C11orf91: variants seen among roughly 807,000 people sequenced by gnomAD.
C11orf91 encodes uncharacterized protein C11orf91.
Under a neutral mutation model 14.3 loss-of-function variants are expected in C11orf91, and 10 were observed. That is an observed-to-expected ratio of 0.70 (90% CI 0.43 to 1.18). The LOEUF is 1.18. Among genes scored for constraint, C11orf91 ranks in the 50% most tolerant of loss-of-function variants. The pLI is 0.00. For synonymous variants in C11orf91, 141 were observed against 130.6 expected (o/e 1.08, Z -0.54); for missense variants, 236 against 269.0 (o/e 0.88, Z 0.86).
the C11orf91 span, chr11:33,705,941 A>G: frequency 6.6e-6 from 1 of 152,132 alleles, no homozygotes; most frequent in Non-Finnish European, 1.5e-5. Flanking sequence ...ACCAGCACTG[A>G]TCATATATAG....
In C11orf91 at chr11:33,699,972, G is replaced by A. The variant is rs146618862; in HGVS notation, c.496+273C>T. Reference sequence around the variant, plus strand: ...GGTGGTGGCGGATGGAGTTCCAGGTGTGGAGGCTCAGAGTCCAGATGACCC... The same window carrying A: ...GGTGGTGGCGGATGGAGTTCCAGGTATGGAGGCTCAGAGTCCAGATGACCC... On this transcript the variant is annotated intron_variant, in intron 1 of 1. Coordinates refer to ENST00000379011, the MANE Select transcript of C11orf91 (RefSeq NM_001166692.2). Among the ~76,000 whole-genome samples, 6 of 151,264 alleles carry A rather than the reference G, an allele frequency of 4.0e-5. No individual in the cohort carries two copies. The East Asian group carries it at 1.2e-3, about 29-fold the overall frequency.
At chr11:33,704,356 G>A (rs1480287474), upstream of C11orf91, 1 of 152,148 alleles carries the variant, frequency 6.6e-6, no homozygotes, top group South Asian at 2.1e-4. Context: ...GGTGGTCATT[G>A]GAGTGTGGCT....
upstream of C11orf91, chr11:33,700,923 C>T (rs2133498565): frequency 2.7e-6 from 1 of 369,506 alleles, no homozygotes; most frequent in Non-Finnish European, 3.7e-6. Context: ...TCCCGGAACG[C>T]GGCCCCGCCC....
chr11:33,701,228 G>A (rs1057447770), upstream of C11orf91, among the ~76,000 whole-genome samples: 24 of 152,334 alleles, frequency 1.6e-4, no homozygotes, highest in African/African-American at 5.3e-4. Flanking sequence ...CCACAGCAAA[G>A]AAGTCTGAGA....
upstream of C11orf91, among the ~76,000 whole-genome samples, chr11:33,701,659 GTATGACTAGTGAT>G (rs1853128984): frequency 6.6e-6 from 1 of 152,032 alleles, no homozygotes; most frequent in Non-Finnish European, 1.5e-5. Context: ...ATGATCACTG[GTATGACTAGTGAT>G]GGGTGGAGGG....
At chr11:33,702,777 C>A, upstream of C11orf91, 2 of 350,064 alleles carry the variant, frequency 5.7e-6, no homozygotes, top group South Asian at 2.2e-5. Context: ...CCCTACAGAA[C>A]CACAGTAATG....
In C11orf91 at chr11:33,700,691, G is replaced by A; in HGVS notation, c.50C>T (p.Ser17Leu). 2.1e-6 allele frequency: 3 copies of A among 1,434,764 alleles called. No homozygotes were observed. Among genetic ancestry groups the A allele is most frequent in the South Asian group, 2.9e-5 (2 of 69,980 alleles). 88.9% of individuals were successfully genotyped at this position (1,434,764 alleles called of 1,614,324 possible). Residue 17 changes from serine to leucine, a missense_variant, in exon 1 of 2, where the codon TCG (serine) becomes TTG (leucine). Coordinates refer to ENST00000379011, the MANE Select transcript of C11orf91 (RefSeq NM_001166692.2). ...GGACGGGAAATAGAGGGGCGGAGCC[G>A]ACCGCTGGCTCATGGTGGGGCTGTG... Reference protein sequence around the residue: ...GSHSPTMSQRSAPPLYFPSLY... With the variant: ...GSHSPTMSQRLAPPLYFPSLY...
chr11:33,700,633 G>C lies in C11orf91; in HGVS notation c.108C>G (p.Leu36=), dbSNP rs1271557349. 2 of 1,474,954 alleles carry C rather than the reference G, an allele frequency of 1.4e-6. No homozygotes were observed. The highest frequency in any genetic ancestry group is 2.6e-5 in the South Asian group (2 of 77,318). 91.4% of individuals were successfully genotyped at this position (1,474,954 alleles called of 1,614,324 possible). A position where few individuals can be genotyped will look rare whatever the true frequency, so the allele number is the denominator to read the frequency against. Reference sequence around the variant, plus strand: ...GCTTCTTCCAGATGTTGAAGTCGCTGAGCGGGGACGAGGAGATGCCGCGGT... The same window carrying C: ...GCTTCTTCCAGATGTTGAAGTCGCTCAGCGGGGACGAGGAGATGCCGCGGT... ...LYDRGISSSP[L]SDFNIWKKLF... Residue 36 remains leucine (L), a synonymous_variant, in exon 1 of 2, where the codon CTC becomes CTG. Transcript: ENST00000379011.
intron 1 of C11orf91, among the ~76,000 whole-genome samples, chr11:33,698,805 G>T (rs992141121): frequency 2.2e-5 from 3 of 138,432 alleles, no homozygotes; most frequent in African/African-American, 8.1e-5. Flanking sequence ...TTTTGAGAGG[G>T]AGTCTCACTC....
chr11:33,703,050 A>C (rs1202073143), upstream of C11orf91: 2 of 152,352 alleles, frequency 1.3e-5, no homozygotes, highest in Non-Finnish European at 2.9e-5. Flanking sequence ...TTTTAAATGA[A>C]GCAATACAAT....
Position 33,700,555 on chromosome 11 carries a change from G to A in C11orf91, c.186C>T (p.Ala62=). The A allele has an allele frequency of 6.9e-7, 1 of 1,440,878 alleles. No homozygotes were observed. Among genetic ancestry groups the A allele is most frequent in the African/African-American group, 1.5e-5 (1 of 68,090 alleles). 89.3% of individuals were successfully genotyped at this position (1,440,878 alleles called of 1,614,324 possible). A position where few individuals can be genotyped will look rare whatever the true frequency, so the allele number is the denominator to read the frequency against. ...GGAPVGGAAG[A]RSLSQALPAP... ...CGGGGAGCGCCTGGGACAGGGACCG[G>A]GCCCCCGCCGCCCCGCCCACTGGCG... The change falls in exon 1 of 2, where the codon GCC becomes GCT. Residue 62 remains alanine (A), a synonymous_variant. Transcript: ENST00000379011.
At chr11:33,700,129 T>C (rs1377887874) in intron 1 of C11orf91, 116 bp downstream of exon 1, 17 of 1,139,840 alleles carry the variant, frequency 1.5e-5, no homozygotes, top group Non-Finnish European at 1.9e-5. Flanking sequence ...ATTTTGGATC[T>C]GGGACTACTG....
intron 1 of C11orf91, among the ~76,000 whole-genome samples, 168 bp downstream of exon 1, chr11:33,700,077 C>T (rs1396776402): frequency 6.6e-6 from 1 of 150,900 alleles, no homozygotes; most frequent in Admixed American, 6.6e-5. Context: ...GGGGAGGAGT[C>T]GGTTAAGTCC....
the C11orf91 span, chr11:33,706,362 C>T: frequency 6.6e-6 from 1 of 152,122 alleles, no homozygotes; most frequent in Non-Finnish European, 1.5e-5. Flanking sequence ...CTAGTTTTCA[C>T]TTATGTCCAA....
In C11orf91 at chr11:33,700,375, G is replaced by A. The variant is rs1278574589; in HGVS notation, c.366C>T (p.Pro122=). The A allele has an allele frequency of 2.0e-6, 3 of 1,534,532 alleles. No homozygotes were observed. The highest frequency in any genetic ancestry group is 4.9e-5 in the East Asian group (2 of 40,886). The part of the protein sequence containing the change: ...PPPGPEVVAS[P]LVPCPSTPRL... The stretch of plus-strand genomic sequence containing the variant: ...TGGGGGTCGAGGGGCAGGGGACCAG[G>A]GGCGAGGCAACCACCTCAGGCCCCG... Residue 122 remains proline, a synonymous_variant, in exon 1 of 2, where the codon CCC becomes CCT. Transcript: ENST00000379011.
At chr11:33,698,648 A>G in intron 1 of C11orf91, 134 bp from the exon 2 acceptor site, 1 of 629,654 alleles carries the variant, frequency 1.6e-6, no homozygotes, top group Admixed American at 2.9e-5. Flanking sequence ...TGGGAGAGAA[A>G]AAAACAAAAA....
upstream of C11orf91, among the ~76,000 whole-genome samples, chr11:33,701,754 A>AGTGTGTGTGTGTGTGTGT (rs35903408): frequency 9.4e-4 from 140 of 149,024 alleles, no homozygotes; most frequent in Middle Eastern, 6.8e-3. Context: ...CACAGTGCAA[A>AGTGTGTGTGTGTGTGTGT]GTGTGTGTGT....
upstream of C11orf91, among the ~76,000 whole-genome samples, chr11:33,701,068 C>G (rs923025533): frequency 1.3e-5 from 2 of 152,266 alleles, no homozygotes; most frequent in South Asian, 4.1e-4. Context: ...CATATCCCAG[C>G]ATACCCTCAT....
upstream of C11orf91, among the ~76,000 whole-genome samples, chr11:33,701,754 A>AGTGTGTGTGTGTGTGTGTGTGT (rs35903408): frequency 1.5e-4 from 22 of 149,028 alleles, no homozygotes; most frequent in African/African-American, 2.0e-4. Context: ...CACAGTGCAA[A>AGTGTGTGTGTGTGTGTGTGTGT]GTGTGTGTGT....
Sources: gnomAD v4.1 joint callset for allele counts (sites outside exome capture counted in the v4.1 genomes callset) on GRCh38, gnomAD v4.1.1 for gene constraint, MANE v1.5 for transcripts, NCBI Gene and HGNC (gene_info 2026-07-23, HGNC 2026-07-21) for gene names.